Variants in NBEA observed in about 807,000 individuals in gnomAD.
The protein encoded by NBEA is neurobeachin.
A neutral mutation model predicts 343.4 loss-of-function variants in NBEA; 44 were observed. That is an observed-to-expected ratio of 0.13 (90% confidence interval 0.10 to 0.16). The LOEUF is 0.16. NBEA is among the 10% of genes least tolerant of loss of function. The pLI, the probability that NBEA is intolerant of heterozygous loss-of-function variation, is 1.00. For missense variants in NBEA, 2,555 were observed against 3,631.3 expected (o/e 0.70, Z 7.62); for synonymous variants, 1,175 against 1,238.7 (o/e 0.95, Z 1.08).
At chr13:35,476,933 T>G in intron 41 of NBEA, 1 of 541,356 alleles carries the variant, frequency 1.8e-6, no homozygotes, top group Non-Finnish European at 2.4e-6. Context: ...TGAAGCATAT[T>G]GACGTTTTGA....
At chr13:34,953,213 GAC>G (rs1396024345) in intron 1 of NBEA, among the ~76,000 whole-genome samples, 1 of 152,138 alleles carries the variant, frequency 6.6e-6, no homozygotes, top group African/African-American at 2.4e-5. Context: ...TGTCTTAAAA[GAC>G]AAGTGTTTTC....
chr13:35,409,390 G>A (rs2043454909), intron 38 of NBEA, among the ~76,000 whole-genome samples: 1 of 151,744 alleles, frequency 6.6e-6, no homozygotes, highest in Admixed American at 6.6e-5. Flanking sequence ...TAACTGGTGG[G>A]TACTAGGCTT....
At chr13:35,030,186 T>A (rs1032723369) in intron 1 of NBEA, among the ~76,000 whole-genome samples, 1 of 151,760 alleles carries the variant, frequency 6.6e-6, no homozygotes, top group African/African-American at 2.4e-5. Flanking sequence ...CTTTTTAAGA[T>A]GTTTTCTTAC....
intron 1 of NBEA, among the ~76,000 whole-genome samples, chr13:35,035,522 C>T (rs2152553165): frequency 1.3e-5 from 2 of 151,972 alleles, no homozygotes; most frequent in Middle Eastern, 6.8e-3. Flanking sequence ...TATCTATTAG[C>T]TCAATTTGGT....
At chr13:35,621,064 T>C (rs74042805) in intron 48 of NBEA, among the ~76,000 whole-genome samples, 2,695 of 152,282 alleles carry the variant, frequency 0.018, 81 homozygotes, top group African/African-American at 0.06. Flanking sequence ...ATGTTTATCC[T>C]CCGCTAGACT....
At chr13:35,624,216 G>GT (rs2083124993) in intron 48 of NBEA, among the ~76,000 whole-genome samples, 2 of 152,072 alleles carry the variant, frequency 1.3e-5, no homozygotes, top group South Asian at 4.1e-4. Flanking sequence ...AGTTGTAGGT[G>GT]TAACTACTAA....
intron 41 of NBEA, among the ~76,000 whole-genome samples, chr13:35,513,140 C>CT (rs761107026): frequency 0.015 from 2,113 of 136,420 alleles, 18 homozygotes; most frequent in Middle Eastern, 0.03. Flanking sequence ...TTACTTTTTT[C>CT]TTTTTTTTTT....
intron 34 of NBEA, among the ~76,000 whole-genome samples, chr13:35,237,975 G>C (rs1490673685): frequency 1.3e-5 from 2 of 152,118 alleles, no homozygotes; most frequent in Non-Finnish European, 2.9e-5. Context: ...TTCATTAACA[G>C]TAGCTATTTT....
At chr13:35,349,773 G>C (rs967010073) in intron 37 of NBEA, among the ~76,000 whole-genome samples, 1 of 152,070 alleles carries the variant, frequency 6.6e-6, no homozygotes, top group African/African-American at 2.4e-5. Context: ...AGGCTAACAA[G>C]TATGGTGTAG....
chr13:35,620,984 G>T (rs1373798284), intron 48 of NBEA, among the ~76,000 whole-genome samples: 3 of 152,134 alleles, frequency 2.0e-5, no homozygotes, highest in Admixed American at 6.5e-5. Flanking sequence ...GAAAGCGTGG[G>T]TGTTTAGTGC....
At chr13:35,453,757 A>G (rs1243478059) in intron 40 of NBEA, among the ~76,000 whole-genome samples, 1 of 152,196 alleles carries the variant, frequency 6.6e-6, no homozygotes, top group East Asian at 1.9e-4. Flanking sequence ...TTATTATAAG[A>G]CTGCCCAGTA....
At chr13:35,633,458 G>A (rs1204423306) in intron 49 of NBEA, among the ~76,000 whole-genome samples, 1 of 151,156 alleles carries the variant, frequency 6.6e-6, no homozygotes, top group Non-Finnish European at 1.5e-5. Context: ...CACACTTTGG[G>A]AGACCGAGGC....
intron 38 of NBEA, among the ~76,000 whole-genome samples, chr13:35,394,241 A>C (rs1405595283): frequency 6.6e-6 from 1 of 152,162 alleles, no homozygotes; most frequent in African/African-American, 2.4e-5. Context: ...ACTTCTGGGA[A>C]CAGACGTTTA....
At chr13:35,080,220 T>A (rs986696611) in intron 10 of NBEA, among the ~76,000 whole-genome samples, 1 of 152,176 alleles carries the variant, frequency 6.6e-6, no homozygotes, top group Middle Eastern at 3.2e-3. Flanking sequence ...AGGTAACTTT[T>A]GTCCCTCCTA....
chr13:35,498,848 G>A (rs1030250960), intron 41 of NBEA, among the ~76,000 whole-genome samples: 13 of 152,122 alleles, frequency 8.5e-5, no homozygotes, highest in African/African-American at 3.1e-4. Flanking sequence ...CTTATGCTCA[G>A]TTATGCCTGG....
intron 17 of NBEA, among the ~76,000 whole-genome samples, chr13:35,124,611 T>C (rs2066990907): frequency 6.8e-6 from 1 of 148,110 alleles, no homozygotes. Context: ...TATATACACA[T>C]ACATATATAT....
intron 49 of NBEA, among the ~76,000 whole-genome samples, chr13:35,630,894 C>T (rs1409911467): frequency 6.6e-6 from 1 of 152,132 alleles, no homozygotes; most frequent in Non-Finnish European, 1.5e-5. Context: ...GTAGACATAA[C>T]AGATTAAATG....
intron 38 of NBEA, among the ~76,000 whole-genome samples, chr13:35,377,554 AG>A (rs1449786077): frequency 1.3e-5 from 2 of 152,206 alleles, no homozygotes; most frequent in Non-Finnish European, 2.9e-5. Flanking sequence ...TAAAGCAGCA[AG>A]GTGCTATCTC....
At chr13:35,518,789 GAA>G (rs58220972) in intron 41 of NBEA, among the ~76,000 whole-genome samples, 14,066 of 152,148 alleles carry the variant, frequency 0.092, 660 homozygotes, top group African/African-American at 0.12. Context: ...GGGTCAGAGA[GAA>G]TGTTTTCTGC....
Sources: gnomAD v4.1 joint callset for allele counts (sites outside exome capture counted in the v4.1 genomes callset) on GRCh38, gnomAD v4.1.1 for gene constraint, MANE v1.5 for transcripts, NCBI Gene and HGNC (gene_info 2026-07-23, HGNC 2026-07-21) for gene names.